MYT1L: variants seen among roughly 807,000 people sequenced by gnomAD.
The protein encoded by MYT1L is myelin transcription factor 1 like.
MYT1L carries 12 observed loss-of-function variants against 126.7 expected under a neutral mutation model. That is an observed-to-expected ratio of 0.09 (90% CI 0.06 to 0.15). The LOEUF (loss-of-function observed/expected upper bound fraction) is 0.15. Ranked by LOEUF, MYT1L falls within the 10% of genes least tolerant of loss-of-function variation. The pLI, the probability that MYT1L is intolerant of heterozygous loss-of-function variation, is 1.00. For synonymous variants in MYT1L, 541 were observed against 604.2 expected (o/e 0.90, Z 1.53); for missense variants, 979 against 1,585.2 (o/e 0.62, Z 6.49).
At position 1,922,642 on chromosome 2, in the gene MYT1L, T is replaced by A. The variant is rs1309801229; in HGVS notation, c.1127A>T (p.Tyr376Phe). The A allele has an allele frequency of 6.2e-7, 1 of 1,613,686 alleles. No homozygotes were observed. The highest frequency in any genetic ancestry group is 2.2e-5 in the East Asian group (1 of 44,878). Residue 376 changes from tyrosine to phenylalanine, a missense_variant, in exon 10 of 25, where the codon TAC (tyrosine) becomes TTC (phenylalanine). This residue lies in a region of MYT1L where 243 missense variants were observed against 363.9 expected (regional missense o/e 0.67). Coordinates refer to ENST00000647738, the MANE Select transcript of MYT1L (RefSeq NM_001303052.2). This position sits in a 1 kb window ranked among gnomAD's most constrained non-coding sequence, Gnocchi z 7.4. The stretch of plus-strand genomic sequence containing the variant: ...CCGCATGAGGTTCAGCATGTCCGAG[T>A]AGTTTCTGTCCGGCGTCCTTCCGGG... ...DFPGRTPDRN[Y>F]SDMLNLMRLE...
chr2:1,889,557 C>T lies in MYT1L; in HGVS notation c.2284-80G>A. The T allele has an allele frequency of 8.6e-7, 1 of 1,169,044 alleles. No individual in the cohort carries two copies. The highest frequency in any genetic ancestry group is 1.5e-5 in the African/African-American group (1 of 65,412). The allele number at this position is 1,169,044 out of a possible 1,614,324, so 72.4% of individuals were successfully genotyped here. ...GAGTCCTTCCTCCCAGATTACAGTC[C>T]TGCCGTCAGCCAGTGTAGCGTTCAA... is the stretch of plus-strand genomic sequence containing the variant. On this transcript the variant is annotated intron_variant, in intron 15 of 24. Coordinates refer to ENST00000647738, the MANE Select transcript of MYT1L (RefSeq NM_001303052.2). The surrounding 1 kb of genome is among the most constrained non-coding windows in gnomAD (Gnocchi z 4.1).
At chr2:2,106,242 T>C (rs2078744486) in intron 3 of MYT1L, among the ~76,000 whole-genome samples, 1 of 152,238 alleles carries the variant, frequency 6.6e-6, no homozygotes, top group Non-Finnish European at 1.5e-5. Flanking sequence ...ATAAAGTCTT[T>C]ATTGTAATTG....
At chr2:2,279,503 GT>G (rs1470009048) in intron 2 of MYT1L, among the ~76,000 whole-genome samples, 3 of 150,352 alleles carry the variant, frequency 2.0e-5, no homozygotes, top group Non-Finnish European at 4.4e-5. Flanking sequence ...AAACAATGGA[GT>G]AAGAAGAGAG....
At chr2:1,839,084 C>T (rs1180773071) in intron 21 of MYT1L, 65 bp downstream of exon 21, 3 of 1,421,366 alleles carry the variant, frequency 2.1e-6, no homozygotes, top group Non-Finnish European at 2.9e-6. Context: ...CCGTCATAAC[C>T]AGCCGTGCCA....
chr2:1,956,744 T>C (rs1407489637), intron 8 of MYT1L, among the ~76,000 whole-genome samples: 1 of 152,106 alleles, frequency 6.6e-6, no homozygotes, highest in East Asian at 1.9e-4. Flanking sequence ...AGATATAAGT[T>C]GACAAGAGAT....
chr2:1,994,559 T>G (rs984336826), intron 5 of MYT1L, among the ~76,000 whole-genome samples: 5 of 152,200 alleles, frequency 3.3e-5, no homozygotes, highest in Admixed American at 2.6e-4. Flanking sequence ...CCAGCAGATG[T>G]GTGGCTACGG....
intron 19 of MYT1L, 59 bp from the exon 20 acceptor site, chr2:1,840,902 T>TTA: frequency 8.7e-6 from 8 of 915,346 alleles, no homozygotes; most frequent in Middle Eastern, 3.5e-4. Context: ...TGAGCTTTCT[T>TTA]TCTTTTTTTT....
intron 21 of MYT1L, among the ~76,000 whole-genome samples, chr2:1,812,301 T>A (rs772485569): frequency 4.6e-5 from 7 of 152,208 alleles, no homozygotes; most frequent in Non-Finnish European, 1.0e-4. Context: ...AAATATTGAA[T>A]TGACTGTGTT....
At chr2:2,137,342 T>C (rs1197176315) in intron 3 of MYT1L, among the ~76,000 whole-genome samples, 1 of 152,164 alleles carries the variant, frequency 6.6e-6, no homozygotes, top group Non-Finnish European at 1.5e-5. Context: ...AAAACTACTT[T>C]AAAGTTCATA....
intron 9 of MYT1L, among the ~76,000 whole-genome samples, chr2:1,935,750 T>C (rs1256011567): frequency 2.6e-5 from 4 of 152,182 alleles, no homozygotes; most frequent in Non-Finnish European, 5.9e-5. Context: ...AAACCAGAAC[T>C]TGGAATGAAA....
intron 24 of MYT1L, 50 bp downstream of exon 24, chr2:1,792,269 CTG>C (rs1218556556): frequency 6.5e-7 from 1 of 1,544,670 alleles, no homozygotes; most frequent in African/African-American, 1.4e-5. Flanking sequence ...CTACTTTAGG[CTG>C]TGCGCTGTGG....
rs182482385 is a variant in MYT1L, at chr2:2,208,766, T to C, written c.-420-35778A>G. On this transcript the variant is annotated intron_variant, in intron 2 of 24. Transcript: ENST00000647738. The stretch of plus-strand genomic sequence containing the variant: ...AATCTCTATTTTTAAGTTTAATTTA[T>C]CTTGATACTTGCTTTTAGGCTCTAT... Among the ~76,000 whole-genome samples the C allele has an allele frequency of 5.9e-5, 9 of 152,340 alleles. No homozygotes were observed. The East Asian group carries it at 1.7e-3, about 29-fold the overall frequency.
rs749416895 is a variant in MYT1L at position 1,809,205 on chromosome 2, C to T, written c.3081-38G>A. 49 of 1,586,604 alleles carry T rather than the reference C, an allele frequency of 3.1e-5. 1 individual carries two copies. In the South Asian group the frequency reaches 5.2e-4, roughly 17 times the overall value. ...CACAGGACGGCCATTAGTCAACTGT[C>T]TAATGTCCCAGCCCTGCAGGGAAGT... On this transcript the variant is annotated intron_variant, in intron 21 of 24. Coordinates refer to ENST00000647738, the MANE Select transcript of MYT1L (RefSeq NM_001303052.2).
At chr2:2,001,131 C>CTTTATTAA (rs1238658824) in intron 4 of MYT1L, among the ~76,000 whole-genome samples, 1 of 151,100 alleles carries the variant, frequency 6.6e-6, no homozygotes, top group African/African-American at 2.4e-5. Context: ...TTTCTTCTTT[C>CTTTATTAA]TTTATTAATT....
At chr2:2,301,492 A>G (rs1001058940) in intron 1 of MYT1L, among the ~76,000 whole-genome samples, 7 of 152,196 alleles carry the variant, frequency 4.6e-5, no homozygotes, top group Non-Finnish European at 1.0e-4. Context: ...CAAAAATGGA[A>G]GGATTGGTCA....
At chr2:1,954,892 C>T (rs2058200471) in intron 8 of MYT1L, among the ~76,000 whole-genome samples, 3 of 149,724 alleles carry the variant, frequency 2.0e-5, no homozygotes, top group Admixed American at 2.0e-4. Context: ...ATGGTGAAAC[C>T]CTGTCTCTAC....
chr2:1,829,969 A>G (rs2039915900), intron 21 of MYT1L, among the ~76,000 whole-genome samples: 1 of 152,216 alleles, frequency 6.6e-6, no homozygotes, highest in Non-Finnish European at 1.5e-5. Flanking sequence ...TCAATGGTGC[A>G]GGAAAACTTT....
intron 2 of MYT1L, among the ~76,000 whole-genome samples, chr2:2,178,548 T>C (rs2091075860): frequency 6.6e-6 from 1 of 152,216 alleles, no homozygotes; most frequent in African/African-American, 2.4e-5. Context: ...CTCGCCCTCC[T>C]TCCTTCTGCA....
At chr2:1,813,877 A>C (rs1328208822) in intron 21 of MYT1L, among the ~76,000 whole-genome samples, 1 of 96,270 alleles carries the variant, frequency 1.0e-5, no homozygotes, top group Non-Finnish European at 2.2e-5. Flanking sequence ...AATACAAAAA[A>C]TTAGCCGGGC....
Sources: allele counts gnomAD v4.1 joint callset (sites outside exome capture counted in the v4.1 genomes callset), GRCh38; gene constraint gnomAD v4.1.1; regional missense constraint gnomAD v4.1.1; non-coding constraint Gnocchi (gnomAD v3.1); transcripts MANE v1.5; gene names NCBI Gene and HGNC (gene_info 2026-07-23, HGNC 2026-07-21).